Variants in DSCAML1 observed in about 807,000 individuals in gnomAD.
The protein encoded by DSCAML1 is DS cell adhesion molecule like 1.
A neutral mutation model predicts 200.5 loss-of-function variants in DSCAML1; 38 were observed. The observed-to-expected ratio is 0.19, with a 90% CI of 0.15 to 0.25. DSCAML1 has a LOEUF of 0.25. DSCAML1 is among the 10% of genes least tolerant of loss of function. The probability of loss-of-function intolerance (pLI) is 1.00; values close to 1 mark genes in which losing one functional copy is unlikely to be tolerated. For synonymous variants in DSCAML1, 1,215 were observed against 1,165.0 expected (o/e 1.04, Z -0.87); for missense variants, 2,223 against 2,858.8 (o/e 0.78, Z 5.07).
At chr11:117,495,742 G>A (rs1565739403) in intron 11 of DSCAML1, among the ~76,000 whole-genome samples, 1 of 152,092 alleles carries the variant, frequency 6.6e-6, no homozygotes, top group Non-Finnish European at 1.5e-5. Context: ...TTCTATTGGT[G>A]GGACCATCAT....
At chr11:117,735,249 A>G (rs1482820769) in intron 3 of DSCAML1, among the ~76,000 whole-genome samples, 2 of 152,256 alleles carry the variant, frequency 1.3e-5, no homozygotes, top group African/African-American at 4.8e-5. Flanking sequence ...TTTGAAGCCC[A>G]GGAACGCCAA....
rs369984396 is a variant in DSCAML1, at chr11:117,780,232, G to A, written c.364+261C>T. ...AAGAGAGAGAGAGAAAGAAAGAAAG[G>A]AAAGAAAGAAAGAAAGAAAGAAAGA... On this transcript the variant is annotated intron_variant, in intron 2 of 32. Coordinates refer to ENST00000651296, the MANE Select transcript of DSCAML1 (RefSeq NM_020693.4). The surrounding 1 kb of genome is among the most constrained non-coding windows in gnomAD (Gnocchi z 4.8). 0.31 allele frequency among the ~76,000 whole-genome samples: 8,852 copies of A among 28,602 alleles called. 502 individuals carry two copies. The highest frequency in any genetic ancestry group is 0.38 in the South Asian group (261 of 692). The allele number at this position is 28,602 out of a possible 152,430, so 18.8% of individuals were successfully genotyped here. A position where few individuals can be genotyped will look rare whatever the true frequency, so the allele number is the denominator to read the frequency against.
At chr11:117,515,148 C>G (rs1028334674) in intron 8 of DSCAML1, among the ~76,000 whole-genome samples, 4 of 152,370 alleles carry the variant, frequency 2.6e-5, no homozygotes, top group Non-Finnish European at 5.9e-5. Flanking sequence ...GGTCTTCATG[C>G]TTCTGTAGCC....
At chr11:117,541,449 G>A (rs2050267288) in intron 3 of DSCAML1, among the ~76,000 whole-genome samples, 1 of 152,216 alleles carries the variant, frequency 6.6e-6, no homozygotes, top group Non-Finnish European at 1.5e-5. Context: ...TGGCAGTGGA[G>A]GAGGCATCTC....
rs535551061 is a variant in DSCAML1 at position 117,811,583 on chromosome 11, A to G, written c.-250+5807T>C. Among the ~76,000 whole-genome samples, 4 of 152,334 alleles carry G rather than the reference A, an allele frequency of 2.6e-5. No homozygotes were observed. The East Asian group carries it at 5.8e-4, about 22-fold the overall frequency. On this transcript the variant is annotated intron_variant, in intron 1 of 2. Transcript: ENST00000525836. Reference sequence around the variant, plus strand: ...GTGCTAGAAATCTGGACACCAGGCCAAGGAATGCCTGCAGCCCAGGATTCC... The same window carrying G: ...GTGCTAGAAATCTGGACACCAGGCCGAGGAATGCCTGCAGCCCAGGATTCC...
chr11:117,584,975 T>C (rs75377388), intron 3 of DSCAML1, among the ~76,000 whole-genome samples: 2,443 of 151,742 alleles, frequency 0.016, 60 homozygotes, highest in African/African-American at 0.055. Context: ...GCTCTTATGA[T>C]TATAACATGA....
intron 3 of DSCAML1, among the ~76,000 whole-genome samples, chr11:117,687,080 A>T (rs1163170162): frequency 6.6e-6 from 1 of 152,082 alleles, no homozygotes; most frequent in African/African-American, 2.4e-5. Flanking sequence ...TACATGCAGA[A>T]TGTGGATGGG....
chr11:117,688,641 C>A (rs1009768907), intron 3 of DSCAML1, among the ~76,000 whole-genome samples: 1 of 152,194 alleles, frequency 6.6e-6, no homozygotes, highest in Admixed American at 6.5e-5. Flanking sequence ...GTCCCCCAGC[C>A]TCTCTGTGCC....
intron 3 of DSCAML1, among the ~76,000 whole-genome samples, chr11:117,774,462 A>T (rs1239665858): frequency 1.3e-5 from 2 of 152,188 alleles, no homozygotes; most frequent in Non-Finnish European, 2.9e-5. Context: ...GATTCATTTC[A>T]TTCTTACTCG....
At chr11:117,771,312 G>A (rs753931901) in intron 3 of DSCAML1, among the ~76,000 whole-genome samples, 5 of 152,294 alleles carry the variant, frequency 3.3e-5, no homozygotes, top group East Asian at 1.9e-4. Context: ...CATCAGAGCC[G>A]ACAACATGAG....
rs1295951770 is a variant in DSCAML1 at position 117,489,895 on chromosome 11, C to G, written c.2360-7733G>C. 1.3e-5 allele frequency among the ~76,000 whole-genome samples: 2 copies of G among 152,184 alleles called. No individual in the cohort carries two copies. On this transcript the variant is annotated intron_variant, in intron 11 of 32. Coordinates refer to ENST00000651296, the MANE Select transcript of DSCAML1 (RefSeq NM_020693.4). The surrounding 1 kb of genome is among the most constrained non-coding windows in gnomAD (Gnocchi z 4.8). Reference sequence around the variant, plus strand: ...AGCATCTCTATTCCAGGGCTTAGCTCGTGTTTGTGGAAAGGAGAGCTTTAC... The same window carrying G: ...AGCATCTCTATTCCAGGGCTTAGCTGGTGTTTGTGGAAAGGAGAGCTTTAC...
intron 3 of DSCAML1, among the ~76,000 whole-genome samples, chr11:117,626,399 C>A (rs574276675): frequency 3.3e-5 from 5 of 152,192 alleles, no homozygotes; most frequent in Non-Finnish European, 7.3e-5. Flanking sequence ...CATGCTGCTG[C>A]CTGATTGCTT....
chr11:117,686,922 C>A (rs540790736), intron 3 of DSCAML1, among the ~76,000 whole-genome samples: 5 of 152,336 alleles, frequency 3.3e-5, no homozygotes, highest in Non-Finnish European at 7.3e-5. Flanking sequence ...GTGACTCAGG[C>A]ACTAAGTGGG....
chr11:117,537,022 AT>A (rs2050184285), intron 3 of DSCAML1, among the ~76,000 whole-genome samples: 1 of 152,202 alleles, frequency 6.6e-6, no homozygotes, highest in Admixed American at 6.5e-5. Context: ...AAGTTACATA[AT>A]CCATCCAAGG....
chr11:117,735,192 T>A (rs917384784), intron 3 of DSCAML1, among the ~76,000 whole-genome samples: 5 of 152,004 alleles, frequency 3.3e-5, no homozygotes, highest in Non-Finnish European at 5.9e-5. Context: ...CACTGGAAGG[T>A]CAGATGGGCT....
chr11:117,650,700 T>TGTGTGCGCGC lies in DSCAML1; in HGVS notation c.512-118179_512-118178insGCGCGCACAC, dbSNP rs147584706. Among the ~76,000 whole-genome samples the TGTGTGCGCGC allele has an allele frequency of 3.0e-3, 439 of 147,446 alleles. 2 individuals carry two copies. Among genetic ancestry groups the TGTGTGCGCGC allele is most frequent in the African/African-American group, 6.5e-3 (262 of 40,020 alleles). On this transcript the variant is annotated intron_variant, in intron 3 of 32. Transcript: ENST00000651296. ...GTGTGTGTGTGTGTGTGTGTGTGTG[T>TGTGTGCGCGC]GCGTGTGTGTGTGTGGTGGGGATTG...
chr11:117,709,933 C>A (rs141114695), intron 3 of DSCAML1, among the ~76,000 whole-genome samples: 31 of 152,290 alleles, frequency 2.0e-4, no homozygotes, highest in African/African-American at 7.5e-4. Flanking sequence ...CAGCCAGGAC[C>A]TCCTTGGAGA....
intron 3 of DSCAML1, among the ~76,000 whole-genome samples, chr11:117,774,468 A>T (rs1480223263): frequency 1.3e-5 from 2 of 152,056 alleles, no homozygotes; most frequent in Admixed American, 6.5e-5. Flanking sequence ...TTTCATTCTT[A>T]CTCGAACCCT....
At chr11:117,758,698 G>A (rs372129180) in intron 3 of DSCAML1, among the ~76,000 whole-genome samples, 2 of 152,106 alleles carry the variant, frequency 1.3e-5, no homozygotes, top group Non-Finnish European at 2.9e-5. Context: ...CAAAGCGCCC[G>A]GCCGGCAGAA....
Sources: allele counts gnomAD v4.1 joint callset (sites outside exome capture counted in the v4.1 genomes callset), GRCh38; gene constraint gnomAD v4.1.1; non-coding constraint Gnocchi (gnomAD v3.1); transcripts MANE v1.5; gene names NCBI Gene and HGNC (gene_info 2026-07-23, HGNC 2026-07-21).